CDON: variants seen among roughly 807,000 people sequenced by gnomAD.
The protein encoded by CDON is cell adhesion molecule-related/down-regulated by oncogenes.
CDON carries 73 observed loss-of-function variants against 120.9 expected under a neutral mutation model. The ratio of observed to expected loss-of-function variants is 0.60; its 90% CI spans 0.50 to 0.73. The LOEUF (loss-of-function observed/expected upper bound fraction) is 0.73, where lower values mean the gene tolerates loss of function less well. CDON is among the 30% of genes least tolerant of loss of function. CDON has a pLI of 0.00. For synonymous variants in CDON, 566 were observed against 573.5 expected (o/e 0.99, Z 0.19); for missense variants, 1,470 against 1,587.3 (o/e 0.93, Z 1.26).
chr11:125,968,219 T>C (rs977947225), intron 18 of CDON, among the ~76,000 whole-genome samples: 1 of 152,242 alleles, frequency 6.6e-6, no homozygotes, highest in African/African-American at 2.4e-5. Context: ...ACTCATAATG[T>C]TGATATAACA....
At chr11:126,012,469 T>C (rs1296258155) in intron 7 of CDON, among the ~76,000 whole-genome samples, 1 of 152,026 alleles carries the variant, frequency 6.6e-6, no homozygotes, top group East Asian at 1.9e-4. Flanking sequence ...TAGTGCGATC[T>C]CAGCTCACTG....
rs563847430 is a variant in CDON at position 126,001,995 on chromosome 11, A to T, written c.2027-145T>A. Reference sequence around the variant, plus strand: ...AGCATCTAAATGTAAGACCTACTTCATAAATACTTAGCTGATCTGAGGAAC... The same window carrying T: ...AGCATCTAAATGTAAGACCTACTTCTTAAATACTTAGCTGATCTGAGGAAC... On this transcript the variant is annotated intron_variant, in intron 10 of 19. Transcript: ENST00000531738. The T allele has an allele frequency of 1.6e-5, 11 of 677,924 alleles. No individual in the cohort carries two copies. In the South Asian group the frequency reaches 1.8e-4, roughly 11 times the overall value. The allele number at this position is 677,924 out of a possible 1,614,324, so 42.0% of individuals were successfully genotyped here.
chr11:126,057,442 A>G (rs1948706571), intron 1 of CDON, among the ~76,000 whole-genome samples: 1 of 152,228 alleles, frequency 6.6e-6, no homozygotes, highest in African/African-American at 2.4e-5. Flanking sequence ...GAACTCCAAC[A>G]TAAGACTACA....
At chr11:125,976,359 G>C (rs1245992379) in intron 18 of CDON, among the ~76,000 whole-genome samples, 1 of 152,150 alleles carries the variant, frequency 6.6e-6, no homozygotes, top group East Asian at 1.9e-4. Flanking sequence ...GGCAAGTAAA[G>C]ACTTGCACTA....
intron 1 of CDON, among the ~76,000 whole-genome samples, chr11:126,035,966 C>A (rs898748938): frequency 6.6e-6 from 1 of 152,060 alleles, no homozygotes; most frequent in South Asian, 2.1e-4. Context: ...ATGCACGAAG[C>A]GGCAGTGGCC....
At chr11:125,997,102 G>A in intron 12 of CDON, 105 bp downstream of exon 12, 2 of 885,534 alleles carry the variant, frequency 2.3e-6, no homozygotes, top group Non-Finnish European at 1.8e-6. Context: ...TTATGCCACT[G>A]CACTCCAGCC....
upstream of CDON, among the ~76,000 whole-genome samples, chr11:126,063,034 G>A (rs1948845004): frequency 6.6e-6 from 1 of 151,618 alleles, no homozygotes; most frequent in Non-Finnish European, 1.5e-5. Flanking sequence ...CCCGCACCCG[G>A]CCGGAGTGTG....
At chr11:125,998,041 A>G (rs1194557146) in intron 11 of CDON, among the ~76,000 whole-genome samples, 1 of 152,200 alleles carries the variant, frequency 6.6e-6, no homozygotes, top group Non-Finnish European at 1.5e-5. Context: ...TGCTAGCAGA[A>G]AACATGATCC....
chr11:125,970,765 C>T (rs1322818122), intron 18 of CDON, among the ~76,000 whole-genome samples: 1 of 152,154 alleles, frequency 6.6e-6, no homozygotes, highest in Non-Finnish European at 1.5e-5. Context: ...TATTCCTGAA[C>T]ATGGCAAGTT....
At chr11:125,971,662 A>G (rs7117832) in intron 18 of CDON, among the ~76,000 whole-genome samples, 2,592 of 152,198 alleles carry the variant, frequency 0.017, 87 homozygotes, top group African/African-American at 0.059. Flanking sequence ...CAGATGAATT[A>G]TATAATTTTT....
At chr11:125,984,892 T>G (rs575966897) in intron 15 of CDON, among the ~76,000 whole-genome samples, 14 of 152,228 alleles carry the variant, frequency 9.2e-5, no homozygotes, top group African/African-American at 3.4e-4. Context: ...ACACATAGTA[T>G]TAAGCATTCC....
intron 18 of CDON, among the ~76,000 whole-genome samples, chr11:125,968,526 A>G (rs1945870776): frequency 6.6e-6 from 1 of 152,224 alleles, no homozygotes; most frequent in Admixed American, 6.5e-5. Flanking sequence ...GGCGTATGAA[A>G]TACACACACT....
rs1486231190 is a variant in CDON, at chr11:125,961,912, T to A, written c.3443A>T (p.Glu1148Val). 1 of 1,614,054 alleles carries A rather than the reference T, an allele frequency of 6.2e-7. No individual in the cohort carries two copies. Among genetic ancestry groups the A allele is most frequent in the African/African-American group, 1.3e-5 (1 of 74,928 alleles). The change falls in exon 19 of 20, where the codon GAA becomes GTA. Residue 1148 changes from glutamate (E) to valine (V), a missense_variant. Coordinates refer to ENST00000531738, the MANE Select transcript of CDON (RefSeq NM_001378964.1). ...VVAPYPQDGLEMKPLSHVKVP... is the reference protein window; with the variant it reads ...VVAPYPQDGLVMKPLSHVKVP... ...CTTCACGTGACTGAGGGGCTTCATT[T>A]CCAAACCATCCTGAGGATAAGGTGC...
At chr11:126,012,085 T>G (rs946074708) in intron 7 of CDON, among the ~76,000 whole-genome samples, 1 of 152,224 alleles carries the variant, frequency 6.6e-6, no homozygotes, top group African/African-American at 2.4e-5. Context: ...TACAGATATT[T>G]TAGATGTTTA....
intron 18 of CDON, among the ~76,000 whole-genome samples, chr11:125,973,588 C>T (rs556530042): frequency 6.6e-6 from 1 of 152,288 alleles, no homozygotes; most frequent in African/African-American, 2.4e-5. Flanking sequence ...ACAGATGTGC[C>T]ATGGCTCTGT....
intron 1 of CDON, among the ~76,000 whole-genome samples, chr11:126,054,468 C>A (rs940043014): frequency 6.6e-6 from 1 of 152,134 alleles, no homozygotes; most frequent in African/African-American, 2.4e-5. Context: ...TTATCTAAAG[C>A]TTTCGTTTAT....
rs1055724806 is a variant in CDON at position 126,012,405 on chromosome 11, A to AT, written c.1199-1712dup. On this transcript the variant is annotated intron_variant, in intron 7 of 19. Transcript: ENST00000531738. ...TTGCTGGTATGCAGAAAGGCAACTG[A>AT]TTTTTTTTTTTTAAGAGACATAATC... Among the ~76,000 whole-genome samples, 73 of 146,362 alleles carry AT rather than the reference A, an allele frequency of 5.0e-4. 1 individual carries two copies. Among genetic ancestry groups the AT allele is most frequent in the Middle Eastern group, 3.6e-3 (1 of 278 alleles).
At chr11:125,971,370 G>C (rs956660396) in intron 18 of CDON, among the ~76,000 whole-genome samples, 1 of 132,586 alleles carries the variant, frequency 7.5e-6, no homozygotes, top group Non-Finnish European at 1.7e-5. Flanking sequence ...GCGACACAGC[G>C]AGACTCTGTC....
At chr11:126,011,321 G>C (rs1303759823) in intron 7 of CDON, among the ~76,000 whole-genome samples, 1 of 152,144 alleles carries the variant, frequency 6.6e-6, no homozygotes. Context: ...ATTGATCAAA[G>C]TAAATGACAT....
Sources: gnomAD v4.1 joint callset for allele counts (sites outside exome capture counted in the v4.1 genomes callset) on GRCh38, gnomAD v4.1.1 for gene constraint, MANE v1.5 for transcripts, NCBI Gene and HGNC (gene_info 2026-07-23, HGNC 2026-07-21) for gene names.